The following PTPRG variants were observed in gnomAD, a reference collection of about 807,000 sequenced individuals.
PTPRG encodes the protein protein tyrosine phosphatase receptor type G.
A neutral mutation model predicts 165.3 loss-of-function variants in PTPRG; 102 were observed. That is an observed-to-expected ratio of 0.62 (90% CI 0.53 to 0.73). The LOEUF (loss-of-function observed/expected upper bound fraction) is 0.73, where lower values mean the gene tolerates loss of function less well. Ranked by LOEUF, PTPRG falls within the 30% of genes least tolerant of loss-of-function variation. The probability of loss-of-function intolerance (pLI) is 0.00; values close to 1 mark genes in which losing one functional copy is unlikely to be tolerated. For missense variants in PTPRG, 1,866 were observed against 1,861.4 expected, an observed-to-expected ratio of 1.00 and a Z score of -0.05; for synonymous variants, 675 against 669.5, an observed-to-expected ratio of 1.01 and a Z score of -0.13.
At chr3:62,024,613 T>C (rs940366427) in intron 4 of PTPRG, among the ~76,000 whole-genome samples, 5 of 152,228 alleles carry the variant, frequency 3.3e-5, no homozygotes, top group African/African-American at 1.2e-4. Flanking sequence ...GTTTCCAGTT[T>C]ATTCCCTTCT....
chr3:62,005,971 G>A (rs1260969833), intron 4 of PTPRG, among the ~76,000 whole-genome samples: 3 of 151,908 alleles, frequency 2.0e-5, no homozygotes, highest in Non-Finnish European at 4.4e-5. Context: ...CCAAAGTGTT[G>A]GGATTACAGG....
At chr3:61,683,704 G>A (rs1226210750) in intron 1 of PTPRG, among the ~76,000 whole-genome samples, 1 of 152,106 alleles carries the variant, frequency 6.6e-6, no homozygotes, top group Non-Finnish European at 1.5e-5. Flanking sequence ...GCTCTCTCTC[G>A]ACTTATGACT....
intron 3 of PTPRG, among the ~76,000 whole-genome samples, chr3:61,997,051 T>C (rs1486973521): frequency 1.3e-5 from 2 of 152,220 alleles, no homozygotes; most frequent in African/African-American, 4.8e-5. Flanking sequence ...TTTCGTGTCT[T>C]ATATGGTTAA....
At chr3:62,259,995 G>C (rs1701645680) in intron 16 of PTPRG, among the ~76,000 whole-genome samples, 1 of 152,194 alleles carries the variant, frequency 6.6e-6, no homozygotes, top group Non-Finnish European at 1.5e-5. Flanking sequence ...GAATAACAAA[G>C]TCAGCACAAC....
Position 61,562,203 on chromosome 3 carries a change from G to T in PTPRG, c.-85G>T. The T allele has an allele frequency of 7.8e-7, 1 of 1,288,116 alleles. No individual in the cohort carries two copies. The highest frequency in any genetic ancestry group is 1.2e-5 in the South Asian group (1 of 82,890). The allele number at this position is 1,288,116 out of a possible 1,614,324, so 79.8% of individuals were successfully genotyped here. A position where few individuals can be genotyped will look rare whatever the true frequency, so the allele number is the denominator to read the frequency against. On this transcript the variant is annotated 5_prime_UTR_variant, in exon 1 of 30. Coordinates refer to ENST00000474889, the MANE Select transcript of PTPRG (RefSeq NM_002841.4). ...GCGGGCGAGCCGGGGAAGCGCCCCGGCTTAGCGGAGGCTCGCACGGAGGCA... is the reference window on the plus strand; with the variant it reads ...GCGGGCGAGCCGGGGAAGCGCCCCGTCTTAGCGGAGGCTCGCACGGAGGCA...
At chr3:61,877,010 A>AC (rs2107459833) in intron 2 of PTPRG, among the ~76,000 whole-genome samples, 1 of 152,098 alleles carries the variant, frequency 6.6e-6, no homozygotes, top group South Asian at 2.1e-4. Context: ...ATTAAGAAAT[A>AC]CCGCCTGTAA....
At chr3:61,918,441 G>C (rs1439491351) in intron 2 of PTPRG, among the ~76,000 whole-genome samples, 1 of 152,090 alleles carries the variant, frequency 6.6e-6, no homozygotes, top group African/African-American at 2.4e-5. Flanking sequence ...ATTCTCCTAT[G>C]ATGCATTGTG....
At chr3:61,945,261 T>C (rs1352818582) in intron 2 of PTPRG, among the ~76,000 whole-genome samples, 2 of 152,100 alleles carry the variant, frequency 1.3e-5, no homozygotes, top group Non-Finnish European at 2.9e-5. Flanking sequence ...TGAAAGTCCT[T>C]AGAAGGAAAA....
intron 2 of PTPRG, among the ~76,000 whole-genome samples, chr3:61,958,558 T>G (rs1299691891): frequency 6.6e-6 from 1 of 152,218 alleles, no homozygotes; most frequent in Non-Finnish European, 1.5e-5. Flanking sequence ...ATTCTCTTAA[T>G]TTAAATTAAT....
At chr3:61,655,500 CAAG>C (rs1702485311) in intron 1 of PTPRG, among the ~76,000 whole-genome samples, 1 of 152,100 alleles carries the variant, frequency 6.6e-6, no homozygotes, top group African/African-American at 2.4e-5. Flanking sequence ...ACATCTCAGT[CAAG>C]AAGGAGTGGC....
At chr3:62,189,510 C>G (rs1005116042) in intron 8 of PTPRG, among the ~76,000 whole-genome samples, 6 of 152,178 alleles carry the variant, frequency 3.9e-5, no homozygotes, top group Admixed American at 3.9e-4. Flanking sequence ...TCTGCCAGCA[C>G]GCCCGCTTAC....
chr3:62,025,428 A>G (rs996620261), intron 4 of PTPRG, among the ~76,000 whole-genome samples: 3 of 152,206 alleles, frequency 2.0e-5, no homozygotes, highest in Admixed American at 1.3e-4. Flanking sequence ...ATTAAATATA[A>G]TGGGAAAACC....
At chr3:62,172,703 C>A (rs1705264239) in intron 8 of PTPRG, among the ~76,000 whole-genome samples, 1 of 152,120 alleles carries the variant, frequency 6.6e-6, no homozygotes, top group South Asian at 2.1e-4. Flanking sequence ...AAGCATGGAA[C>A]AAGTCCTTTT....
At chr3:61,580,860 G>A (rs145836882) in intron 1 of PTPRG, among the ~76,000 whole-genome samples, 255 of 152,290 alleles carry the variant, frequency 1.7e-3, no homozygotes, top group African/African-American at 5.9e-3. Context: ...TTATACCCTT[G>A]GTCTGCAGAG....
At chr3:61,678,785 GTTGT>G (rs1479844393) in intron 1 of PTPRG, among the ~76,000 whole-genome samples, 1 of 152,006 alleles carries the variant, frequency 6.6e-6, no homozygotes, top group African/African-American at 2.4e-5. Context: ...CTTTCTATTG[GTTGT>G]TTGTCTAAAA....
chr3:61,588,594 C>T (rs1700493868), intron 1 of PTPRG, among the ~76,000 whole-genome samples: 1 of 151,956 alleles, frequency 6.6e-6, no homozygotes, highest in Non-Finnish European at 1.5e-5. Context: ...TACAGGCCTG[C>T]ACCACCACTC....
chr3:61,973,538 A>G (rs2040431565), intron 2 of PTPRG, among the ~76,000 whole-genome samples: 1 of 152,170 alleles, frequency 6.6e-6, no homozygotes, highest in African/African-American at 2.4e-5. Flanking sequence ...TGTGTTTAAG[A>G]AAATGATTTG....
chr3:61,703,870 C>T (rs574019925), intron 1 of PTPRG, among the ~76,000 whole-genome samples: 18 of 152,196 alleles, frequency 1.2e-4, no homozygotes, highest in East Asian at 3.9e-4. Context: ...TTGTTCTGGA[C>T]GGCAATATAT....
At chr3:61,675,658 G>T (rs1703194493) in intron 1 of PTPRG, among the ~76,000 whole-genome samples, 1 of 152,100 alleles carries the variant, frequency 6.6e-6, no homozygotes, top group African/African-American at 2.4e-5. Context: ...TAATTGATAT[G>T]GTATTTGATG....
Sources: gnomAD v4.1 joint callset for allele counts (sites outside exome capture counted in the v4.1 genomes callset) on GRCh38, gnomAD v4.1.1 for gene constraint, MANE v1.5 for transcripts, NCBI Gene and HGNC (gene_info 2026-07-23, HGNC 2026-07-21) for gene names.